Variants in LDLRAD3 observed in about 807,000 individuals in gnomAD.
LDLRAD3 encodes low density lipoprotein receptor class A domain containing 3.
A neutral mutation model predicts 29.4 loss-of-function variants in LDLRAD3; 20 were observed. The observed-to-expected ratio is 0.68, with a 90% CI of 0.48 to 0.99. The LOEUF is 0.99. Ranked by LOEUF, LDLRAD3 falls within the 50% of genes least tolerant of loss-of-function variation. LDLRAD3 has a pLI of 0.00. For missense variants in LDLRAD3, 420 were observed against 454.3 expected (o/e 0.92, Z 0.69); for synonymous variants, 157 against 192.7 (o/e 0.81, Z 1.53).
chr11:36,190,030 C>G (rs781363080), intron 4 of LDLRAD3, among the ~76,000 whole-genome samples: 7 of 138,778 alleles, frequency 5.0e-5, no homozygotes, highest in Non-Finnish European at 8.9e-5. Context: ...TTGACAGAAA[C>G]CTTGAATATG....
chr11:36,128,578 G>T (rs1318095203), intron 4 of LDLRAD3, among the ~76,000 whole-genome samples: 1 of 152,216 alleles, frequency 6.6e-6, no homozygotes, highest in African/African-American at 2.4e-5. Context: ...GCTGGGCACG[G>T]TGATTCATGC....
intron 2 of LDLRAD3, among the ~76,000 whole-genome samples, chr11:36,039,934 C>A (rs746490166): frequency 1.3e-5 from 2 of 152,238 alleles, no homozygotes; most frequent in Non-Finnish European, 2.9e-5. Flanking sequence ...GGGTGACCAA[C>A]TTGACCACCT....
intron 4 of LDLRAD3, among the ~76,000 whole-genome samples, chr11:36,206,459 A>G (rs1478582386): frequency 2.0e-5 from 3 of 152,196 alleles, no homozygotes; most frequent in African/African-American, 7.2e-5. Flanking sequence ...AAGATGTGCC[A>G]TGACATGGGT....
At chr11:36,144,801 A>G (rs1355908628) in intron 4 of LDLRAD3, among the ~76,000 whole-genome samples, 4 of 85,956 alleles carry the variant, frequency 4.7e-5, no homozygotes, top group African/African-American at 1.3e-4. Flanking sequence ...TCCGGGAGGG[A>G]GGTGGGGGGG....
intron 4 of LDLRAD3, among the ~76,000 whole-genome samples, chr11:36,121,175 G>A (rs1853750779): frequency 6.6e-6 from 1 of 152,196 alleles, no homozygotes; most frequent in African/African-American, 2.4e-5. Context: ...ACGACCAGAG[G>A]AGTAATCCAG....
At chr11:36,215,896 A>C (rs987409431) in intron 4 of LDLRAD3, among the ~76,000 whole-genome samples, 1 of 152,202 alleles carries the variant, frequency 6.6e-6, no homozygotes, top group Admixed American at 6.5e-5. Context: ...TGATTATGCA[A>C]GGGGCCGTGA....
At chr11:36,176,716 C>A (rs1437518533) in intron 4 of LDLRAD3, among the ~76,000 whole-genome samples, 1 of 152,132 alleles carries the variant, frequency 6.6e-6, no homozygotes, top group East Asian at 1.9e-4. Context: ...TATAGGTTAC[C>A]TGATGCTTTT....
intron 2 of LDLRAD3, among the ~76,000 whole-genome samples, chr11:36,044,725 A>G (rs979738724): frequency 6.6e-6 from 1 of 152,212 alleles, no homozygotes; most frequent in South Asian, 2.1e-4. Flanking sequence ...GGAAGGAAAC[A>G]AACATTTGAG....
At chr11:36,002,556 T>C (rs1383576876) in intron 1 of LDLRAD3, among the ~76,000 whole-genome samples, 2 of 152,210 alleles carry the variant, frequency 1.3e-5, no homozygotes, top group African/African-American at 4.8e-5. Flanking sequence ...CGGTGCTTTT[T>C]CTAACTCTGG....
intron 1 of LDLRAD3, among the ~76,000 whole-genome samples, chr11:36,003,358 T>C (rs988765644): frequency 6.6e-6 from 1 of 152,220 alleles, no homozygotes; most frequent in East Asian, 1.9e-4. Context: ...TTGCTTTTCT[T>C]CCATATTAAC....
chr11:35,995,278 T>G (rs1202026941), intron 1 of LDLRAD3, among the ~76,000 whole-genome samples: 1 of 152,238 alleles, frequency 6.6e-6, no homozygotes, highest in Non-Finnish European at 1.5e-5. Context: ...TTAAAAATCA[T>G]TAATCTTCTT....
chr11:36,064,220 A>G (rs1220323739), intron 2 of LDLRAD3, among the ~76,000 whole-genome samples: 2 of 152,214 alleles, frequency 1.3e-5, no homozygotes, highest in Non-Finnish European at 2.9e-5. Flanking sequence ...GCTGATTGCT[A>G]GTGTATACAA....
chr11:36,038,975 T>C (rs11033384), intron 2 of LDLRAD3, among the ~76,000 whole-genome samples: 9 of 76,616 alleles, frequency 1.2e-4, no homozygotes, highest in African/African-American at 8.8e-5. Context: ...TTCTTTCTTT[T>C]TTTTTTTTTT....
intron 4 of LDLRAD3, among the ~76,000 whole-genome samples, chr11:36,148,567 G>C (rs1854231438): frequency 6.6e-6 from 1 of 152,138 alleles, no homozygotes. Flanking sequence ...CCTGTGTTTA[G>C]AGTCATGGAG....
intron 4 of LDLRAD3, among the ~76,000 whole-genome samples, chr11:36,155,166 T>C (rs1854330230): frequency 6.6e-6 from 1 of 152,206 alleles, no homozygotes; most frequent in African/African-American, 2.4e-5. Context: ...ATCACAGCTG[T>C]CTAGGAAATC....
At chr11:36,028,030 G>A (rs1344068779) in intron 1 of LDLRAD3, among the ~76,000 whole-genome samples, 3 of 152,210 alleles carry the variant, frequency 2.0e-5, no homozygotes, top group African/African-American at 7.2e-5. Flanking sequence ...GCAAGGACAT[G>A]GGTGTGAGTG....
chr11:36,195,897 T>G (rs1297002059), intron 4 of LDLRAD3, among the ~76,000 whole-genome samples: 1 of 152,080 alleles, frequency 6.6e-6, no homozygotes, highest in Non-Finnish European at 1.5e-5. Context: ...TACTTGTGTT[T>G]AGCATCTGCA....
intron 1 of LDLRAD3, among the ~76,000 whole-genome samples, chr11:36,005,777 A>C (rs1230525172): frequency 2.0e-5 from 3 of 152,214 alleles, no homozygotes; most frequent in African/African-American, 7.2e-5. Context: ...CTTAACAAGA[A>C]GCATGACTAG....
At position 36,005,608 on chromosome 11, in the gene LDLRAD3, T is replaced by A. The variant is rs539772519; in HGVS notation, c.47-30495T>A. Among the ~76,000 whole-genome samples, 11 of 152,358 alleles carry A rather than the reference T, an allele frequency of 7.2e-5. No homozygotes were observed. The East Asian group carries it at 1.7e-3, about 24-fold the overall frequency. Reference sequence around the variant, plus strand: ...ATTCCAACCTCTGCCCATTACCCAGTTCGAAAGTCACTTTCACATGTTCTG... The same window carrying A: ...ATTCCAACCTCTGCCCATTACCCAGATCGAAAGTCACTTTCACATGTTCTG... On this transcript the variant is annotated intron_variant, in intron 1 of 5. Transcript: ENST00000315571.
Sources: gnomAD v4.1 joint callset for allele counts (sites outside exome capture counted in the v4.1 genomes callset) on GRCh38, gnomAD v4.1.1 for gene constraint, MANE v1.5 for transcripts, NCBI Gene and HGNC (gene_info 2026-07-23, HGNC 2026-07-21) for gene names.